The following CXADR variants were observed in gnomAD, a reference collection of about 807,000 sequenced individuals.
CXADR encodes the protein coxsackievirus and adenovirus receptor.
Under a neutral mutation model 40.3 loss-of-function variants are expected in CXADR, and 20 were observed. The observed-to-expected ratio is 0.50, with a 90% CI of 0.35 to 0.72. The LOEUF (loss-of-function observed/expected upper bound fraction) is 0.72. Ranked by LOEUF, CXADR falls within the 30% of genes least tolerant of loss-of-function variation. The pLI, the probability that CXADR is intolerant of heterozygous loss-of-function variation, is 0.01. For missense variants in CXADR, 332 were observed against 449.1 expected, an observed-to-expected ratio of 0.74 and a Z score of 2.36; for synonymous variants, 150 against 161.3, an observed-to-expected ratio of 0.93 and a Z score of 0.53.
At chr21:17,600,889 C>T in the CXADR span, among the ~76,000 whole-genome samples, 109 of 152,132 alleles carry the variant, frequency 7.2e-4, no homozygotes, top group Non-Finnish European at 1.3e-3. Flanking sequence ...AGGGGCTGGG[C>T]GCGGTGGCTC....
intron 1 of CXADR, among the ~76,000 whole-genome samples, chr21:17,530,762 C>T (rs139076530): frequency 0.014 from 2,103 of 151,632 alleles, 50 homozygotes; most frequent in African/African-American, 0.045. Flanking sequence ...TGCGGTGAGC[C>T]GAGATTGCAC....
chr21:17,587,739 A>C (rs1372182029), intron 7 of CXADR, among the ~76,000 whole-genome samples: 3 of 151,870 alleles, frequency 2.0e-5, no homozygotes, highest in Middle Eastern at 3.4e-3. Flanking sequence ...TCTTTAGTTT[A>C]ATTAGATCCC....
the CXADR span, among the ~76,000 whole-genome samples, chr21:17,633,551 CA>C: frequency 7.4e-4 from 112 of 152,040 alleles, no homozygotes; most frequent in African/African-American, 2.5e-3. Context: ...CAAGACCCCT[CA>C]AAAAAAATTA....
chr21:17,556,952 T>C (rs2061043482), intron 3 of CXADR, among the ~76,000 whole-genome samples: 1 of 152,208 alleles, frequency 6.6e-6, no homozygotes, highest in Non-Finnish European at 1.5e-5. Context: ...TGTTAAAATA[T>C]GTACAGTCAC....
intron 1 of CXADR, among the ~76,000 whole-genome samples, chr21:17,513,468 C>T (rs2060418558): frequency 6.6e-6 from 1 of 152,204 alleles, no homozygotes; most frequent in South Asian, 2.1e-4. Flanking sequence ...TCGCAGCTCT[C>T]CCATAGCATT....
chr21:17,603,173 A>G, the CXADR span, among the ~76,000 whole-genome samples: 1 of 152,236 alleles, frequency 6.6e-6, no homozygotes, highest in Admixed American at 6.5e-5. Flanking sequence ...AAACAATTCA[A>G]TATAGTAGCT....
chr21:17,602,065 C>T, the CXADR span, among the ~76,000 whole-genome samples: 6 of 151,708 alleles, frequency 4.0e-5, no homozygotes, highest in African/African-American at 1.5e-4. Flanking sequence ...TTTCAATGAT[C>T]ACTGATAAAA....
At chr21:17,570,433 T>G (rs867171245), downstream of CXADR, among the ~76,000 whole-genome samples, 2 of 152,160 alleles carry the variant, frequency 1.3e-5, no homozygotes, top group African/African-American at 4.8e-5. Context: ...TACACAGATA[T>G]GAGGATGGGA....
At chr21:17,530,709 G>A (rs773108794) in intron 1 of CXADR, among the ~76,000 whole-genome samples, 1 of 152,150 alleles carries the variant, frequency 6.6e-6, no homozygotes, top group Non-Finnish European at 1.5e-5. Context: ...AGCTACTAGG[G>A]AGGCTGAGGC....
chr21:17,554,319 C>T (rs956047277), intron 3 of CXADR, among the ~76,000 whole-genome samples: 1 of 152,142 alleles, frequency 6.6e-6, no homozygotes, highest in Non-Finnish European at 1.5e-5. Context: ...TGGCTCAGTT[C>T]ACTCATGGCA....
chr21:17,583,424 A>G, intron 7 of CXADR, among the ~76,000 whole-genome samples: 1 of 152,262 alleles, frequency 6.6e-6, no homozygotes, highest in East Asian at 1.9e-4. Flanking sequence ...AAATGTCTAT[A>G]GTAGTCATAG....
At chr21:17,581,353 G>A (rs930781909) in intron 7 of CXADR, among the ~76,000 whole-genome samples, 46 of 152,246 alleles carry the variant, frequency 3.0e-4, no homozygotes, top group Middle Eastern at 3.4e-3. Flanking sequence ...TATTTTGATA[G>A]ATACTATTAA....
chr21:17,583,259 A>T (rs1050263377), intron 7 of CXADR, among the ~76,000 whole-genome samples: 3 of 152,234 alleles, frequency 2.0e-5, no homozygotes, highest in African/African-American at 7.2e-5. Flanking sequence ...GAGCTTTATG[A>T]ATGTATGTAT....
At chr21:17,603,634 A>C in the CXADR span, among the ~76,000 whole-genome samples, 1 of 152,230 alleles carries the variant, frequency 6.6e-6, no homozygotes, top group African/African-American at 2.4e-5. Flanking sequence ...GGTCAGGTGA[A>C]TTGTACCTCA....
chr21:17,575,585 G>A (rs1287687502), intron 7 of CXADR, among the ~76,000 whole-genome samples: 3 of 146,258 alleles, frequency 2.1e-5, no homozygotes, highest in Non-Finnish European at 3.0e-5. Flanking sequence ...CCGCCACCCG[G>A]GTTCACGCCA....
the CXADR span, among the ~76,000 whole-genome samples, chr21:17,603,961 TG>T: frequency 6.6e-6 from 1 of 152,232 alleles, no homozygotes; most frequent in Non-Finnish European, 1.5e-5. Context: ...AGCAGAATGT[TG>T]CTTTCGTTTT....
At chr21:17,530,932 C>T (rs939138010) in intron 1 of CXADR, among the ~76,000 whole-genome samples, 1 of 152,218 alleles carries the variant, frequency 6.6e-6, no homozygotes, top group Non-Finnish European at 1.5e-5. Context: ...ACATAAGTTT[C>T]ACTGTGGTTG....
At chr21:17,581,506 C>G (rs973212310) in intron 7 of CXADR, among the ~76,000 whole-genome samples, 1 of 152,090 alleles carries the variant, frequency 6.6e-6, no homozygotes, top group Admixed American at 6.6e-5. Flanking sequence ...AAAAGTCTAC[C>G]TCTCTTTCAA....
the CXADR span, chr21:17,604,922 A>G: frequency 6.2e-7 from 1 of 1,614,210 alleles, no homozygotes; most frequent in African/African-American, 1.3e-5. Context: ...CCAGGTCACT[A>G]TACAAGATGC....
Sources: allele counts gnomAD v4.1 joint callset (sites outside exome capture counted in the v4.1 genomes callset), GRCh38; gene constraint gnomAD v4.1.1; transcripts MANE v1.5; gene names NCBI Gene and HGNC (gene_info 2026-07-23, HGNC 2026-07-21).